RBBP8: variants seen among roughly 807,000 people sequenced by gnomAD.
RBBP8 encodes RB binding protein 8, endonuclease.
RBBP8 carries 88 observed loss-of-function variants against 108.3 expected under a neutral mutation model. That is an observed-to-expected ratio of 0.81 (90% confidence interval 0.68 to 0.97). The LOEUF is 0.97. RBBP8 is among the 50% of genes least tolerant of loss of function. The probability of loss-of-function intolerance (pLI) is 0.00; values close to 1 mark genes in which losing one functional copy is unlikely to be tolerated. For synonymous variants in RBBP8, 332 were observed against 348.2 expected (o/e 0.95, Z 0.52); for missense variants, 1,023 against 1,049.0 (o/e 0.98, Z 0.34).
intron 4 of RBBP8, among the ~76,000 whole-genome samples, chr18:22,968,198 G>A (rs1254537985): frequency 1.3e-5 from 2 of 151,322 alleles, no homozygotes; most frequent in South Asian, 2.1e-4. Flanking sequence ...TCAGCCTCCC[G>A]AGTAGCTGGG....
At chr18:22,981,161 A>G (rs1914903685) in intron 6 of RBBP8, among the ~76,000 whole-genome samples, 4 of 151,132 alleles carry the variant, frequency 2.6e-5, no homozygotes, top group Admixed American at 2.0e-4. Flanking sequence ...TAGTAGAGAC[A>G]GGGTTTCACC....
rs144796422 is a variant in RBBP8, at chr18:22,960,040, C to T, written c.249-8766C>T. Among the ~76,000 whole-genome samples, 933 of 151,602 alleles carry T rather than the reference C, an allele frequency of 6.2e-3. 6 individuals are homozygous for T. Among genetic ancestry groups the T allele is most frequent in the African/African-American group, 0.022 (903 of 41,384 alleles). The stretch of plus-strand genomic sequence containing the variant: ...CCGAGTAGCTGGGACTACAGGCACC[C>T]GCCACCACGCCCAACTAACTTTTTT... On this transcript the variant is annotated intron_variant, in intron 4 of 18. Transcript: ENST00000327155.
At chr18:22,941,138 A>T (rs1468874001) in intron 2 of RBBP8, among the ~76,000 whole-genome samples, 2 of 152,026 alleles carry the variant, frequency 1.3e-5, no homozygotes. Context: ...TTGATTTTAT[A>T]TTCTGCAACT....
intron 16 of RBBP8, among the ~76,000 whole-genome samples, chr18:23,014,394 C>T (rs150570757): frequency 5.6e-4 from 86 of 152,292 alleles, no homozygotes; most frequent in African/African-American, 2.0e-3. Context: ...ATTCACCATT[C>T]CAGATGACAT....
At chr18:22,972,847 C>T (rs1381171994) in intron 5 of RBBP8, among the ~76,000 whole-genome samples, 4 of 152,078 alleles carry the variant, frequency 2.6e-5, no homozygotes, top group African/African-American at 9.7e-5. Context: ...GTAAAATTAC[C>T]TTTCAATTAG....
intron 3 of RBBP8, among the ~76,000 whole-genome samples, chr18:22,947,331 A>G (rs1911646489): frequency 6.6e-6 from 1 of 151,940 alleles, no homozygotes; most frequent in Non-Finnish European, 1.5e-5. Flanking sequence ...TGTCCATTTT[A>G]TTCATAGTAG....
intron 3 of RBBP8, among the ~76,000 whole-genome samples, chr18:22,947,460 G>C (rs2144474094): frequency 6.6e-6 from 1 of 151,854 alleles, no homozygotes; most frequent in East Asian, 1.9e-4. Flanking sequence ...AGGAAGGTTT[G>C]TTATCTATTT....
intron 3 of RBBP8, among the ~76,000 whole-genome samples, chr18:22,948,787 G>A (rs186721874): frequency 1.3e-5 from 2 of 152,240 alleles, no homozygotes; most frequent in East Asian, 1.9e-4. Context: ...TACATTTTCA[G>A]CTTCAAGACT....
chr18:22,914,852 A>G (rs1422661220), intron 1 of RBBP8, among the ~76,000 whole-genome samples: 1 of 152,200 alleles, frequency 6.6e-6, no homozygotes. Flanking sequence ...GCTCAAAAGC[A>G]CTTGCTGAGC....
chr18:22,921,209 G>A (rs1909580044), intron 3 of RBBP8, among the ~76,000 whole-genome samples: 2 of 152,258 alleles, frequency 1.3e-5, no homozygotes, highest in South Asian at 4.2e-4. Context: ...GTGAAAGGAA[G>A]GAAGGAAGGC....
chr18:22,927,926 G>A (rs970522765), intron 3 of RBBP8, among the ~76,000 whole-genome samples: 1 of 150,224 alleles, frequency 6.7e-6, no homozygotes, highest in Non-Finnish European at 1.5e-5. Context: ...CAGGAAAACA[G>A]GGCTGGGCGT....
intron 5 of RBBP8, among the ~76,000 whole-genome samples, chr18:22,971,545 A>C (rs1463943018): frequency 6.6e-6 from 1 of 152,082 alleles, no homozygotes; most frequent in Non-Finnish European, 1.5e-5. Flanking sequence ...CTCTTTTGCC[A>C]AGTTTTGCTT....
At chr18:23,002,312 C>T (rs1166786458) in intron 15 of RBBP8, among the ~76,000 whole-genome samples, 3 of 152,080 alleles carry the variant, frequency 2.0e-5, no homozygotes, top group Non-Finnish European at 2.9e-5. Context: ...GGGGCTGGAG[C>T]GAGAAGATCG....
intron 2 of RBBP8, among the ~76,000 whole-genome samples, chr18:22,915,760 T>C (rs761399470): frequency 2.6e-5 from 4 of 152,098 alleles, no homozygotes; most frequent in Non-Finnish European, 5.9e-5. Flanking sequence ...GTTTAAAACA[T>C]AGGGCTTACT....
In RBBP8 at chr18:22,960,880, C is replaced by T. The variant is rs146736728; in HGVS notation, c.249-7926C>T. ...GTAGTATATCAGAAAGTAAATATTACGGGTATGTCTGTTCTAAAAGATGAG... is the reference window on the plus strand; with the variant it reads ...GTAGTATATCAGAAAGTAAATATTATGGGTATGTCTGTTCTAAAAGATGAG... On this transcript the variant is annotated intron_variant, in intron 4 of 18. Transcript: ENST00000327155. Among the ~76,000 whole-genome samples, 804 of 152,168 alleles carry T rather than the reference C, an allele frequency of 5.3e-3. 5 individuals carry two copies. The highest frequency in any genetic ancestry group is 0.017 in the African/African-American group (697 of 41,502).
At chr18:23,005,448 C>G (rs2046025536) in intron 15 of RBBP8, among the ~76,000 whole-genome samples, 1 of 152,060 alleles carries the variant, frequency 6.6e-6, no homozygotes, top group South Asian at 2.1e-4. Flanking sequence ...GAGTCTTGCT[C>G]TGTTGCCAGG....
At chr18:22,985,085 G>A in intron 8 of RBBP8, 95 bp downstream of exon 8, 1 of 1,512,972 alleles carries the variant, frequency 6.6e-7, no homozygotes, top group Non-Finnish European at 8.9e-7. Flanking sequence ...TATTTTAAAG[G>A]TATTTTCCAT....
intron 17 of RBBP8, among the ~76,000 whole-genome samples, chr18:23,017,302 C>T (rs2046273224): frequency 6.6e-6 from 1 of 150,938 alleles, no homozygotes; most frequent in Non-Finnish European, 1.5e-5. Flanking sequence ...TTGCAGTGAG[C>T]CGAGATTGTG....
intron 4 of RBBP8, among the ~76,000 whole-genome samples, chr18:22,961,272 C>A (rs140337087): frequency 1.1e-4 from 17 of 152,242 alleles, no homozygotes; most frequent in African/African-American, 4.1e-4. Flanking sequence ...TGAGTTTAAG[C>A]CAGACTTAAA....
Sources: allele counts gnomAD v4.1 joint callset (sites outside exome capture counted in the v4.1 genomes callset), GRCh38; gene constraint gnomAD v4.1.1; transcripts MANE v1.5; gene names NCBI Gene and HGNC (gene_info 2026-07-23, HGNC 2026-07-21).